TM9SF3: variants seen among roughly 807,000 people sequenced by gnomAD.
TM9SF3 encodes transmembrane 9 superfamily member 3.
Under a neutral mutation model 78.6 loss-of-function variants are expected in TM9SF3, and 14 were observed. The ratio of observed to expected loss-of-function variants is 0.18; its 90% CI spans 0.12 to 0.28. The LOEUF is 0.28. Among genes scored for constraint, TM9SF3 ranks in the 10% least tolerant of loss-of-function variants. The pLI, the probability that TM9SF3 is intolerant of heterozygous loss-of-function variation, is 1.00. For missense variants in TM9SF3, 496 were observed against 721.9 expected (o/e 0.69, Z 3.59); for synonymous variants, 231 against 241.7 (o/e 0.96, Z 0.41).
At position 96,551,393 on chromosome 10, in the gene TM9SF3, C is replaced by G; in HGVS notation, c.811G>C (p.Glu271Gln). The G allele has an allele frequency of 6.2e-7, 1 of 1,609,658 alleles. No homozygotes were observed. The highest frequency in any genetic ancestry group is 8.5e-7 in the Non-Finnish European group (1 of 1,178,132). ...MDDMDRDLGD[E>Q]YGWKQVHGDV... ...CCATGCACCTGTTTCCATCCATATTCATCTCCTAGGTCTCTATCCTATATA... is the reference window on the plus strand; with the variant it reads ...CCATGCACCTGTTTCCATCCATATTGATCTCCTAGGTCTCTATCCTATATA... The change falls in exon 7 of 15, where the codon GAA (glutamate) becomes CAA (glutamine). Residue 271 changes from glutamate (E) to glutamine (Q), a missense_variant. Transcript: ENST00000371142.
At chr10:96,584,073 T>C (rs374057266) in intron 1 of TM9SF3, among the ~76,000 whole-genome samples, 9 of 151,836 alleles carry the variant, frequency 5.9e-5, no homozygotes, top group African/African-American at 1.9e-4. Context: ...AAACAGTGCA[T>C]AGCCCATTTT....
chr10:96,563,516 T>C (rs746148111), intron 3 of TM9SF3, among the ~76,000 whole-genome samples: 7 of 152,100 alleles, frequency 4.6e-5, no homozygotes, highest in Non-Finnish European at 8.8e-5. Context: ...GCTGGGACTA[T>C]AGGTGTGCAC....
At chr10:96,572,299 A>AT in intron 2 of TM9SF3, among the ~76,000 whole-genome samples, 1 of 152,074 alleles carries the variant, frequency 6.6e-6, no homozygotes, top group East Asian at 1.9e-4. Flanking sequence ...CACTTCACAG[A>AT]TAAGCAATAC....
Position 96,586,755 on chromosome 10 carries a change from C to G in TM9SF3, c.81G>C (p.Arg27=), listed in dbSNP as rs1225016808. 1 of 1,277,852 alleles carries G rather than the reference C, an allele frequency of 7.8e-7. No individual in the cohort carries two copies. Among genetic ancestry groups the G allele is most frequent in the Non-Finnish European group, 9.9e-7 (1 of 1,013,582 alleles). The allele number at this position is 1,277,852 out of a possible 1,614,324, so 79.2% of individuals were successfully genotyped here. A position where few individuals can be genotyped will look rare whatever the true frequency, so the allele number is the denominator to read the frequency against. ...WLLLLLLPRT[R]ADEHEHTYQD... ...TCACCGTGTGTTCGTGCTCGTCCGC[C>G]CGGGTCCGGGGCAGCAGCAGCAGCA... Residue 27 remains arginine (R), a synonymous_variant, in exon 1 of 15, where the codon CGG becomes CGC. Transcript: ENST00000371142.
At position 96,533,066 on chromosome 10, in the gene TM9SF3, A is replaced by G; in HGVS notation, c.1310T>C (p.Ile437Thr). 1.2e-6 allele frequency: 2 copies of G among 1,614,010 alleles called. No individual in the cohort carries two copies. Among genetic ancestry groups the G allele is most frequent in the South Asian group, 1.1e-5 (1 of 91,072 alleles). Reference sequence around the variant, plus strand: ...TTCTCTTTACCATTTTTTCTCCGGTATAGGACGAGGCACAGCATTGACACG... The same window carrying G: ...TTCTCTTTACCATTTTTTCTCCGGTGTAGGACGAGGCACAGCATTGACACG... ...PCRVNAVPRP[I>T]PEKKWFMEPA... The change falls in exon 10 of 15, where the codon ATA becomes ACA. Residue 437 changes from isoleucine to threonine, a missense_variant. Coordinates refer to ENST00000371142, the MANE Select transcript of TM9SF3 (RefSeq NM_020123.4).
chr10:96,557,761 C>A (rs1042940989), intron 5 of TM9SF3, among the ~76,000 whole-genome samples: 2 of 152,212 alleles, frequency 1.3e-5, no homozygotes, highest in Non-Finnish European at 2.9e-5. Flanking sequence ...TCCTTCAACT[C>A]CTTCAAGCTT....
chr10:96,538,093 G>C (rs918494532), intron 9 of TM9SF3, among the ~76,000 whole-genome samples: 1 of 152,040 alleles, frequency 6.6e-6, no homozygotes. Context: ...AAACAACTTT[G>C]AAAAAGAATT....
Position 96,586,786 on chromosome 10 carries a change from C to A in TM9SF3, c.50G>T (p.Trp17Leu). The stretch of plus-strand genomic sequence containing the variant: ...CCGGGGCAGCAGCAGCAGCAGCAGC[C>A]ACAGCGCGGCGGCCGCCGCCACGCC... Reference protein sequence around the residue: ...ALGVAAAAALWLLLLLLPRTR... With the variant: ...ALGVAAAAALLLLLLLLPRTR... Residue 17 changes from tryptophan (W) to leucine (L), a missense_variant, in exon 1 of 15, where the codon TGG becomes TTG. By Grantham distance (61) the Trp-to-Leu change is moderately conservative (BLOSUM62 -2). Around this residue, in one of 4 missense-constraint regions of TM9SF3, gnomAD observed 58 missense variants for 32.9 expected, o/e 1.76. Coordinates refer to ENST00000371142, the MANE Select transcript of TM9SF3 (RefSeq NM_020123.4). 7.8e-7 allele frequency: 1 copy of A among 1,286,368 alleles called. No homozygotes were observed. The highest frequency in any genetic ancestry group is 9.9e-7 in the Non-Finnish European group (1 of 1,014,738). 79.7% of individuals were successfully genotyped at this position (1,286,368 alleles called of 1,614,324 possible).
At chr10:96,524,920 G>C (rs941466282) in intron 14 of TM9SF3, among the ~76,000 whole-genome samples, 1 of 151,876 alleles carries the variant, frequency 6.6e-6, no homozygotes, top group Non-Finnish European at 1.5e-5. Flanking sequence ...ATAAATGCTG[G>C]GACATTGCCA....
chr10:96,554,668 C>T (rs1848213965), intron 5 of TM9SF3, among the ~76,000 whole-genome samples: 1 of 152,274 alleles, frequency 6.6e-6, no homozygotes. Context: ...CCCTCGCCCC[C>T]ACCTCCCATC....
chr10:96,558,481 A>G lies in TM9SF3; in HGVS notation c.660+1178T>C, dbSNP rs191794917. Among the ~76,000 whole-genome samples, 22 of 151,632 alleles carry G rather than the reference A, an allele frequency of 1.5e-4. No individual in the cohort carries two copies. The East Asian group carries it at 4.3e-3, about 29-fold the overall frequency. The stretch of plus-strand genomic sequence containing the variant: ...AACATGGTGAAACCCCACCCCTACT[A>G]AAAAAAATACAAAAATTAGCCGGGC... On this transcript the variant is annotated intron_variant, in intron 5 of 14. Transcript: ENST00000371142.
chr10:96,522,792 T>C (rs965731718), intron 14 of TM9SF3, among the ~76,000 whole-genome samples: 2 of 151,888 alleles, frequency 1.3e-5, no homozygotes, highest in Non-Finnish European at 2.9e-5. Context: ...CATGTCCCAA[T>C]AGCAGTTGAA....
chr10:96,523,156 C>T (rs1847798609), intron 14 of TM9SF3, among the ~76,000 whole-genome samples: 1 of 151,748 alleles, frequency 6.6e-6, no homozygotes, highest in Non-Finnish European at 1.5e-5. Context: ...TACTTTTGTA[C>T]CAACCTACTA....
Position 96,533,139 on chromosome 10 carries a change from C to T in TM9SF3, c.1237G>A (p.Gly413Ser). The T allele has an allele frequency of 6.2e-7, 1 of 1,613,786 alleles. No homozygotes were observed. Among genetic ancestry groups the T allele is most frequent in the Non-Finnish European group, 8.5e-7 (1 of 1,179,906 alleles). Residue 413 changes from glycine (G) to serine (S), a missense_variant, in exon 10 of 15, where the codon GGT (glycine) becomes AGT (serine). Gly to Ser is a moderately conservative substitution (Grantham distance 56, BLOSUM62 0). This residue lies in a region of TM9SF3 where 280 missense variants were observed against 422.6 expected (regional missense o/e 0.66). Coordinates refer to ENST00000371142, the MANE Select transcript of TM9SF3 (RefSeq NM_020123.4). ...FFVILPLNLV[G>S]TILGRNLSGQ... The stretch of plus-strand genomic sequence containing the variant: ...GACAGATTTCGGCCAAGTATTGTAC[C>T]AACAAGATTTAGAGGAAGAATAACA...
chr10:96,547,602 CTT>C (rs1207425639), intron 8 of TM9SF3, among the ~76,000 whole-genome samples: 14 of 24,866 alleles, frequency 5.6e-4, no homozygotes, highest in Non-Finnish European at 7.2e-4. Context: ...GGCCGAATCA[CTT>C]GAGGTCAGGA....
At chr10:96,559,826 A>G in intron 4 of TM9SF3, 90 bp from the exon 5 acceptor site, 1 of 677,392 alleles carries the variant, frequency 1.5e-6, no homozygotes, top group Non-Finnish European at 2.4e-6. Flanking sequence ...AGATTTACAC[A>G]CACTTAGAAT....
At chr10:96,538,529 C>T (rs1361338962) in intron 9 of TM9SF3, among the ~76,000 whole-genome samples, 1 of 152,062 alleles carries the variant, frequency 6.6e-6, no homozygotes, top group Non-Finnish European at 1.5e-5. Context: ...AAAAAATATA[C>T]CAGTAAATTA....
chr10:96,533,009 T>C (rs780052460), intron 10 of TM9SF3, 42 bp downstream of exon 10: 3 of 1,609,820 alleles, frequency 1.9e-6, no homozygotes, highest in Non-Finnish European at 2.5e-6. Flanking sequence ...AGAACTTATA[T>C]ATTGTGTGAA....
At chr10:96,584,435 A>T (rs950320343) in intron 1 of TM9SF3, among the ~76,000 whole-genome samples, 1 of 152,278 alleles carries the variant, frequency 6.6e-6, no homozygotes, top group South Asian at 2.1e-4. Flanking sequence ...AAAAAATAAT[A>T]TAAATGACAT....
Sources: gnomAD v4.1 joint callset for allele counts (sites outside exome capture counted in the v4.1 genomes callset) on GRCh38, gnomAD v4.1.1 for gene constraint, gnomAD v4.1.1 regional missense constraint, MANE v1.5 for transcripts, NCBI Gene and HGNC (gene_info 2026-07-23, HGNC 2026-07-21) for gene names.